Variants in PWP1 observed in about 807,000 individuals in gnomAD.
The protein encoded by PWP1 is PWP1 homolog, endonuclein.
Under a neutral mutation model 69.9 loss-of-function variants are expected in PWP1, and 47 were observed. That is an observed-to-expected ratio of 0.67 (90% CI 0.53 to 0.86). The LOEUF is 0.86. Among genes scored for constraint, PWP1 ranks in the 40% least tolerant of loss-of-function variants. The probability of loss-of-function intolerance (pLI) is 0.00; values close to 1 mark genes in which losing one functional copy is unlikely to be tolerated. For missense variants in PWP1, 551 were observed against 608.8 expected (o/e 0.91, Z 1.00); for synonymous variants, 222 against 208.2 (o/e 1.07, Z -0.57).
At chr12:107,710,552 T>TAA (rs35371581) in intron 14 of PWP1, 42 bp downstream of exon 14, 65,600 of 1,112,452 alleles carry the variant, frequency 0.059, 107 homozygotes, top group Middle Eastern at 0.068. Context: ...CCTGCCCCTG[T>TAA]AAAAAAAAAA....
rs1889886430 is a variant in PWP1, at chr12:107,709,007, G to A, written c.1159G>A (p.Glu387Lys). Residue 387 changes from glutamate (E) to lysine (K), a missense_variant, in exon 12 of 15, where the codon GAA becomes AAA. Transcript: ENST00000412830. Reference protein sequence around the residue: ...PIFTLNAHNDEISGLDLSSQI... With the variant: ...PIFTLNAHNDKISGLDLSSQI... ...TTTTACACTTAATGCACACAATGATGAAATCTCTGGTGAGCAAGAGTAATG... is the reference window on the plus strand; with the variant it reads ...TTTTACACTTAATGCACACAATGATAAAATCTCTGGTGAGCAAGAGTAATG... 6.2e-7 allele frequency: 1 copy of A among 1,613,764 alleles called. No individual in the cohort carries two copies. Among genetic ancestry groups the A allele is most frequent in the Admixed American group, 1.7e-5 (1 of 59,920 alleles).
In PWP1 at chr12:107,712,250, A is replaced by T. The variant is rs760032804; in HGVS notation, c.*30A>T. ...GATCATCTAATTTCCTGCTTACCTTAACTGGGAATTTTAAAAAGTTGGCCT... is the reference window on the plus strand; with the variant it reads ...GATCATCTAATTTCCTGCTTACCTTTACTGGGAATTTTAAAAAGTTGGCCT... On this transcript the variant is annotated 3_prime_UTR_variant, in exon 15 of 15. Coordinates refer to ENST00000412830, the MANE Select transcript of PWP1 (RefSeq NM_007062.3). 1 of 1,566,444 alleles carries T rather than the reference A, an allele frequency of 6.4e-7. No individual in the cohort carries two copies. The highest frequency in any genetic ancestry group is 1.1e-5 in the South Asian group (1 of 89,198).
chr12:107,687,539 T>C lies in PWP1; in HGVS notation c.73-909T>C, dbSNP rs79432920. On this transcript the variant is annotated intron_variant, in intron 1 of 14. Transcript: ENST00000412830. ...ACAGATAAGTCTGGGAACCACTATT[T>C]GAAGAGTTTATAGGAAAAAGAGATT... Among the ~76,000 whole-genome samples, 483 of 152,262 alleles carry C rather than the reference T, an allele frequency of 3.2e-3. 3 individuals carry two copies. Among genetic ancestry groups the C allele is most frequent in the African/African-American group, 0.011 (471 of 41,550 alleles).
chr12:107,705,369 A>G (rs1351853547), intron 11 of PWP1, among the ~76,000 whole-genome samples: 1 of 151,786 alleles, frequency 6.6e-6, no homozygotes, highest in Non-Finnish European at 1.5e-5. Flanking sequence ...AAGGTGAGAA[A>G]GAGTTTTTTT....
intron 6 of PWP1, 144 bp downstream of exon 6, chr12:107,696,728 T>C (rs1889597380): frequency 1.5e-6 from 2 of 1,337,160 alleles, no homozygotes; most frequent in African/African-American, 3.0e-5. Flanking sequence ...AGTTATAGAG[T>C]TCTTAACACA....
chr12:107,703,068 A>C (rs1292806764), intron 9 of PWP1, 37 bp downstream of exon 9: 2 of 1,425,208 alleles, frequency 1.4e-6, no homozygotes, highest in Non-Finnish European at 2.0e-6. Context: ...GTTCTTAAAA[A>C]TCGGACACAA....
intron 8 of PWP1, among the ~76,000 whole-genome samples, chr12:107,702,265 A>G (rs1889729302): frequency 6.6e-6 from 1 of 151,760 alleles, no homozygotes; most frequent in South Asian, 2.1e-4. Flanking sequence ...GTCTAATACT[A>G]ATAATAGTAG....
In PWP1 at chr12:107,712,376, C is replaced by G. The variant is rs1889973608; in HGVS notation, c.*156C>G. 5.2e-6 allele frequency: 3 copies of G among 571,502 alleles called. No homozygotes were observed. The highest frequency in any genetic ancestry group is 9.4e-6 in the Non-Finnish European group (3 of 320,534). The allele number at this position is 571,502 out of a possible 1,614,324, so 35.4% of individuals were successfully genotyped here. The stretch of plus-strand genomic sequence containing the variant: ...GCAACTGCGGTGGCACCACAAATAT[C>G]CGGTCTTTGTGCTTGCTCTTCAGAT... On this transcript the variant is annotated 3_prime_UTR_variant, in exon 15 of 15. Coordinates refer to ENST00000412830, the MANE Select transcript of PWP1 (RefSeq NM_007062.3).
rs201835232 is a variant in PWP1 at position 107,704,730 on chromosome 12, T to C, written c.1060T>C (p.Ser354Pro). The C allele has an allele frequency of 2.4e-4, 393 of 1,613,564 alleles. No homozygotes were observed. The highest frequency in any genetic ancestry group is 3.1e-4 in the Non-Finnish European group (363 of 1,179,618). The stretch of plus-strand genomic sequence containing the variant: ...AGAGAGAGTGACTTGGAATCACTTT[T>C]CACCTTGTCATTTCTTGGTAAGAGT... ...QIERVTWNHF[S>P]PCHFLASTDD... The change falls in exon 11 of 15, where the codon TCA becomes CCA. Residue 354 changes from serine to proline, a missense_variant. Coordinates refer to ENST00000412830, the MANE Select transcript of PWP1 (RefSeq NM_007062.3).
chr12:107,711,289 G>A (rs570174780), intron 14 of PWP1, among the ~76,000 whole-genome samples: 40 of 152,296 alleles, frequency 2.6e-4, no homozygotes, highest in African/African-American at 8.4e-4. Flanking sequence ...CAGGCCAGGC[G>A]TTCCTTGCCC....
rs1187174493 is a variant in PWP1 at position 107,688,614 on chromosome 12, G to A, written c.132-1G>A. The A allele has an allele frequency of 6.2e-7, 1 of 1,613,348 alleles. No homozygotes were observed. The highest frequency in any genetic ancestry group is 8.5e-7 in the Non-Finnish European group (1 of 1,179,386). ...TTCTCTTTTTCTTTCTGTGCTCATA[G>A]AGAAGAAGGTGGTGGCAGTGATGAA... is the stretch of plus-strand genomic sequence containing the variant. On this transcript the variant is annotated splice_acceptor_variant, in intron 2 of 14. Coordinates refer to ENST00000412830, the MANE Select transcript of PWP1 (RefSeq NM_007062.3). LOFTEE classifies it high-confidence loss of function.
chr12:107,703,160 T>C, intron 9 of PWP1, 129 bp downstream of exon 9: 1 of 683,714 alleles, frequency 1.5e-6, no homozygotes, highest in Non-Finnish European at 2.5e-6. Context: ...TTTCACATGT[T>C]ATCTCTTAGG....
chr12:107,699,417 A>G lies in PWP1; in HGVS notation c.789A>G (p.Ser263=). 1 of 1,612,914 alleles carries G rather than the reference A, an allele frequency of 6.2e-7. No individual in the cohort carries two copies. Among genetic ancestry groups the G allele is most frequent in the African/African-American group, 1.3e-5 (1 of 75,032 alleles). ...EGHTDAVLDL[S]WNKLIRNVLA... ...ATACCGATGCTGTCCTTGACCTTTCATGGAATAAGCTAATCAGGTAAAAAG... is the reference window on the plus strand; with the variant it reads ...ATACCGATGCTGTCCTTGACCTTTCGTGGAATAAGCTAATCAGGTAAAAAG... Residue 263 remains serine (S), a synonymous_variant, in exon 8 of 15, where the codon TCA becomes TCG. Coordinates refer to ENST00000412830, the MANE Select transcript of PWP1 (RefSeq NM_007062.3).
At chr12:107,708,736 C>G (rs1593150398) in intron 11 of PWP1, among the ~76,000 whole-genome samples, 190 bp from the exon 12 acceptor site, 1 of 152,210 alleles carries the variant, frequency 6.6e-6, no homozygotes, top group East Asian at 1.9e-4. Context: ...ATCCAGTAGA[C>G]ATGTCAACTG....
At chr12:107,707,305 A>G (rs945491421) in intron 11 of PWP1, among the ~76,000 whole-genome samples, 84 of 152,030 alleles carry the variant, frequency 5.5e-4, no homozygotes, top group Middle Eastern at 3.4e-3. Context: ...GGCTGAGACA[A>G]TGGGGTTTTC....
Position 107,696,547 on chromosome 12 carries a change from A to C in PWP1, c.576A>C (p.Glu192Asp). Residue 192 changes from glutamate to aspartate, a missense_variant, in exon 6 of 15, where the codon GAA (glutamate) becomes GAC (aspartate). Coordinates refer to ENST00000412830, the MANE Select transcript of PWP1 (RefSeq NM_007062.3). ...TGTCTGCATATCCTCTGAGTGTGGA[A>C]TGGCTGAATTTTGATCCTAGCCCAG... is the stretch of plus-strand genomic sequence containing the variant. The part of the protein sequence containing the change: ...ILLSAYPLSV[E>D]WLNFDPSPDD... The C allele has an allele frequency of 1.2e-6, 2 of 1,614,140 alleles. No individual in the cohort carries two copies. The highest frequency in any genetic ancestry group is 1.7e-6 in the Non-Finnish European group (2 of 1,180,004).
In PWP1 at chr12:107,688,746, A is replaced by G. The variant is rs1201669280; in HGVS notation, c.263A>G (p.Asp88Gly). Reference sequence around the variant, plus strand: ...GACCCAGAGGATGACAGGACGCTTGATGATGATGAGCTGGCTGAGTACGAC... The same window carrying G: ...GACCCAGAGGATGACAGGACGCTTGGTGATGATGAGCTGGCTGAGTACGAC... ...DGDPEDDRTLDDDELAEYDLD... is the reference protein window; with the variant it reads ...DGDPEDDRTLGDDELAEYDLD... Residue 88 changes from aspartate (D) to glycine (G), a missense_variant, in exon 3 of 15, where the codon GAT (aspartate) becomes GGT (glycine). Transcript: ENST00000412830. The G allele has an allele frequency of 7.4e-6, 12 of 1,614,188 alleles. No individual in the cohort carries two copies. The highest frequency in any genetic ancestry group is 9.3e-6 in the Non-Finnish European group (11 of 1,180,034).
At chr12:107,688,025 C>T (rs1433608784) in intron 1 of PWP1, among the ~76,000 whole-genome samples, 11 of 81,566 alleles carry the variant, frequency 1.3e-4, no homozygotes, top group East Asian at 7.0e-4. Context: ...AGCGAGACTC[C>T]GTCTCAAAAA....
At chr12:107,688,180 C>T (rs1041250113) in intron 1 of PWP1, among the ~76,000 whole-genome samples, 1 of 151,910 alleles carries the variant, frequency 6.6e-6, no homozygotes, top group African/African-American at 2.4e-5. Flanking sequence ...CACACAGCCA[C>T]TTTACCAAAA....
Sources: gnomAD v4.1 joint callset for allele counts (sites outside exome capture counted in the v4.1 genomes callset) on GRCh38, gnomAD v4.1.1 for gene constraint, MANE v1.5 for transcripts, NCBI Gene and HGNC (gene_info 2026-07-23, HGNC 2026-07-21) for gene names.